SPINK5: variants seen among roughly 807,000 people sequenced by gnomAD.
SPINK5 encodes serine peptidase inhibitor Kazal type 5, also known as serine protease inhibitor Kazal-type 5.
Under a neutral mutation model 151.8 loss-of-function variants are expected in SPINK5, and 125 were observed. The ratio of observed to expected loss-of-function variants is 0.82; its 90% CI spans 0.71 to 0.96. The LOEUF is 0.96. SPINK5 is among the 40% of genes least tolerant of loss of function. SPINK5 has a pLI of 0.00. For synonymous variants in SPINK5, 374 were observed against 395.3 expected, an observed-to-expected ratio of 0.95 and a Z score of 0.64; for missense variants, 1,194 against 1,291.9, an observed-to-expected ratio of 0.92 and a Z score of 1.16.
In SPINK5 at chr5:148,082,601, C is replaced by CTT. The variant is rs1200775905; in HGVS notation, c.283-3778_283-3777dup. 3.5e-4 allele frequency among the ~76,000 whole-genome samples: 15 copies of CTT among 42,762 alleles called. 1 individual carries two copies. The highest frequency in any genetic ancestry group is 5.0e-4 in the Non-Finnish European group (14 of 27,856). 28.1% of individuals were successfully genotyped at this position (42,762 alleles called of 152,430 possible). On this transcript the variant is annotated intron_variant, in intron 4 of 32. Coordinates refer to ENST00000256084, the MANE Select transcript of SPINK5 (RefSeq NM_006846.4). Reference sequence around the variant, plus strand: ...TGCTTTTATGAATGTTTTATATATTCTTTTTTTTTTTTTTTTTTTTTTTTT... The same window carrying CTT: ...TGCTTTTATGAATGTTTTATATATTCTTTTTTTTTTTTTTTTTTTTTTTTTTT...
At chr5:148,133,194 CA>C (rs1235161729) in intron 31 of SPINK5, among the ~76,000 whole-genome samples, 8 of 152,084 alleles carry the variant, frequency 5.3e-5, no homozygotes, top group Admixed American at 4.6e-4. Flanking sequence ...CAAAAGGAAA[CA>C]ATATTCATTT....
intron 4 of SPINK5, among the ~76,000 whole-genome samples, chr5:148,085,825 C>T (rs531027936): frequency 7.2e-5 from 11 of 151,992 alleles, no homozygotes; most frequent in African/African-American, 2.7e-4. Flanking sequence ...GGCACTGTTC[C>T]AAGTGCTATA....
At chr5:148,081,834 T>G (rs1279755575) in intron 4 of SPINK5, among the ~76,000 whole-genome samples, 2 of 151,752 alleles carry the variant, frequency 1.3e-5, no homozygotes, top group Non-Finnish European at 1.5e-5. Context: ...TTGGAATGAT[T>G]TGTACATTAC....
chr5:148,084,158 T>A (rs1753093148), intron 4 of SPINK5, among the ~76,000 whole-genome samples: 1 of 152,004 alleles, frequency 6.6e-6, no homozygotes, highest in Non-Finnish European at 1.5e-5. Context: ...TTCTATTTTT[T>A]ACTTGTCAGA....
rs201214774 is a variant in SPINK5 at position 148,071,673 on chromosome 5, A to AT, written c.210-464dup. Among the ~76,000 whole-genome samples the AT allele has an allele frequency of 2.4e-3, 151 of 62,682 alleles. 1 individual carries two copies. The highest frequency in any genetic ancestry group is 0.011 in the South Asian group (14 of 1,218). The allele number at this position is 62,682 out of a possible 152,430, so 41.1% of individuals were successfully genotyped here. On this transcript the variant is annotated intron_variant, in intron 3 of 32. Transcript: ENST00000256084. Reference sequence around the variant, plus strand: ...CTTACGTAAATTATGTTAGAATAAAATTTTTTTTTTTACCTGGAAAGAAGG... The same window carrying AT: ...CTTACGTAAATTATGTTAGAATAAAATTTTTTTTTTTTACCTGGAAAGAAGG...
chr5:148,121,149 A>G (rs1483402247), intron 26 of SPINK5, among the ~76,000 whole-genome samples: 60 of 150,034 alleles, frequency 4.0e-4, no homozygotes, highest in East Asian at 1.6e-3. Flanking sequence ...GTCTCAAAAA[A>G]AAAAAAAAAA....
chr5:148,124,105 C>T, intron 27 of SPINK5, 145 bp downstream of exon 27: 1 of 998,026 alleles, frequency 1.0e-6, no homozygotes, highest in South Asian at 1.5e-5. Flanking sequence ...ATTTCCAAAG[C>T]ACTTTCACAA....
rs1752705151 is a variant in SPINK5, at chr5:148,070,370, C to T, written c.129C>T (p.Phe43=). The change falls in exon 3 of 33, where the codon TTC becomes TTT. Residue 43 remains phenylalanine, a synonymous_variant. Transcript: ENST00000256084. ...FQAFMKNGKL[F]CPQDKKFFQS... is the part of the protein sequence containing the mutation. ...CATTTATGAAAAATGGAAAACTGTT[C>T]TGTCCCCAGGATAAGAAATTTTTTC... The T allele has an allele frequency of 6.2e-7, 1 of 1,612,728 alleles. No homozygotes were observed. Among genetic ancestry groups the T allele is most frequent in the Non-Finnish European group, 8.5e-7 (1 of 1,179,264 alleles).
chr5:148,113,566 T>C (rs1754001885), intron 20 of SPINK5, among the ~76,000 whole-genome samples: 1 of 152,140 alleles, frequency 6.6e-6, no homozygotes, highest in Non-Finnish European at 1.5e-5. Context: ...CATCCCCAAA[T>C]AATATTTTCT....
Position 148,127,200 on chromosome 5 carries a change from A to T in SPINK5, c.2964+121A>T, listed in dbSNP as rs925496310. ...GGTTTGCTGATTCAGTGCAGCCTGA[A>T]GTCCTTTGAGGACTATATGCAGTTT... On this transcript the variant is annotated intron_variant, in intron 30 of 32. Transcript: ENST00000256084. The T allele has an allele frequency of 2.1e-5, 17 of 796,766 alleles. No individual in the cohort carries two copies. The African/African-American group carries it at 2.8e-4, about 13-fold the overall frequency. The allele number at this position is 796,766 out of a possible 1,614,324, so 49.4% of individuals were successfully genotyped here.
chr5:148,119,961 AT>A (rs769314244), intron 24 of SPINK5, 47 bp from the exon 25 acceptor site: 1 of 1,606,126 alleles, frequency 6.2e-7, no homozygotes, highest in South Asian at 1.1e-5. Flanking sequence ...ATCCAATCAA[AT>A]ATTATGTAAA....
At chr5:148,079,871 A>G (rs953962575) in intron 4 of SPINK5, among the ~76,000 whole-genome samples, 1 of 150,920 alleles carries the variant, frequency 6.6e-6, no homozygotes, top group Non-Finnish European at 1.5e-5. Context: ...TACTGTCACC[A>G]CTCCTATTCA....
intron 2 of SPINK5, among the ~76,000 whole-genome samples, chr5:148,065,851 T>C (rs1752570395): frequency 6.6e-6 from 1 of 152,180 alleles, no homozygotes; most frequent in African/African-American, 2.4e-5. Flanking sequence ...CTGTTTGAGA[T>C]GCTGGGGTTA....
chr5:148,072,390 T>A lies in SPINK5; in HGVS notation c.282+170T>A, dbSNP rs55752016. Among the ~76,000 whole-genome samples the A allele has an allele frequency of 0.013, 1,955 of 152,014 alleles. 46 individuals are homozygous for A. The highest frequency in any genetic ancestry group is 0.043 in the African/African-American group (1,796 of 41,490). On this transcript the variant is annotated intron_variant, in intron 4 of 32. Coordinates refer to ENST00000256084, the MANE Select transcript of SPINK5 (RefSeq NM_006846.4). ...TGGGCTAAATATCTGGTACATCTTGTCCATAGGCCCAACCCATGATCCGAC... is the reference window on the plus strand; with the variant it reads ...TGGGCTAAATATCTGGTACATCTTGACCATAGGCCCAACCCATGATCCGAC...
intron 30 of SPINK5, among the ~76,000 whole-genome samples, chr5:148,127,623 G>A (rs1210106488): frequency 3.9e-5 from 6 of 152,092 alleles, no homozygotes; most frequent in African/African-American, 1.2e-4. Flanking sequence ...GAGGCCAAGC[G>A]GGCAGATCCC....
intron 12 of SPINK5, 120 bp downstream of exon 12, chr5:148,099,435 G>A (rs1753572658): frequency 1.2e-6 from 1 of 801,472 alleles, no homozygotes; most frequent in Non-Finnish European, 2.1e-6. Flanking sequence ...CTTCAATCTG[G>A]GGATGGTATT....
intron 2 of SPINK5, among the ~76,000 whole-genome samples, chr5:148,066,689 G>T (rs936666419): frequency 1.3e-4 from 20 of 151,810 alleles, no homozygotes; most frequent in African/African-American, 4.8e-4. Flanking sequence ...GTTTTATACT[G>T]GGAAAAAAGA....
chr5:148,086,373 A>C, intron 4 of SPINK5, 32 bp from the exon 5 acceptor site: 1 of 1,606,400 alleles, frequency 6.2e-7, no homozygotes, highest in Non-Finnish European at 8.5e-7. Context: ...TGTTTCTTAC[A>C]TTTTGACGTT....
intron 12 of SPINK5, among the ~76,000 whole-genome samples, chr5:148,099,567 A>G (rs1753579741): frequency 6.6e-6 from 1 of 152,016 alleles, no homozygotes; most frequent in South Asian, 2.1e-4. Flanking sequence ...TTTATCACTT[A>G]TAGACTGTTA....
Sources: allele counts gnomAD v4.1 joint callset (sites outside exome capture counted in the v4.1 genomes callset), GRCh38; gene constraint gnomAD v4.1.1; transcripts MANE v1.5; gene names NCBI Gene and HGNC (gene_info 2026-07-23, HGNC 2026-07-21).